Variants in TAFA2 observed in about 807,000 individuals in gnomAD.
The protein encoded by TAFA2 is chemokine-like protein TAFA-2.
Under a neutral mutation model 18.8 loss-of-function variants are expected in TAFA2, and 7 were observed. The observed-to-expected ratio is 0.37, with a 90% CI of 0.21 to 0.70. The LOEUF (loss-of-function observed/expected upper bound fraction) is 0.70. Ranked by LOEUF, TAFA2 falls within the 30% of genes least tolerant of loss-of-function variation. The pLI is 0.53. For missense variants in TAFA2, 122 were observed against 158.1 expected (o/e 0.77, Z 1.23); for synonymous variants, 60 against 54.2 (o/e 1.11, Z -0.47).
chr12:62,037,952 A>G (rs1253822138), intron 1 of TAFA2, among the ~76,000 whole-genome samples: 1 of 152,228 alleles, frequency 6.6e-6, no homozygotes, highest in Non-Finnish European at 1.5e-5. Context: ...AAGTAAAAAC[A>G]TCCATATCCA....
In TAFA2 at chr12:62,233,012, C is replaced by G. The variant is rs140924851; in HGVS notation, c.-130+25751G>C. Among the ~76,000 whole-genome samples, 40 of 151,416 alleles carry G rather than the reference C, an allele frequency of 2.6e-4. No homozygotes were observed. The East Asian group carries it at 6.6e-3, about 25-fold the overall frequency. On this transcript the variant is annotated intron_variant, in intron 1 of 5. Coordinates refer to the TAFA2 transcript ENST00000551619. ...ACTTTCAAGAAATGCCTTTCTAACCCCCTTACCCAATTGCAAGTCCTCACT... is the reference window on the plus strand; with the variant it reads ...ACTTTCAAGAAATGCCTTTCTAACCGCCTTACCCAATTGCAAGTCCTCACT...
At chr12:62,000,289 A>C (rs1450463432) in intron 1 of TAFA2, among the ~76,000 whole-genome samples, 1 of 129,800 alleles carries the variant, frequency 7.7e-6, no homozygotes, top group African/African-American at 2.6e-5. Context: ...TCAAAGAAAG[A>C]AACCACATCA....
At chr12:61,959,501 T>C (rs1033289440) in intron 1 of TAFA2, among the ~76,000 whole-genome samples, 1 of 152,096 alleles carries the variant, frequency 6.6e-6, no homozygotes, top group Non-Finnish European at 1.5e-5. Flanking sequence ...ATGTAGTCCA[T>C]ATCTGGCCAA....
chr12:61,999,942 T>C (rs1880325549), intron 1 of TAFA2, among the ~76,000 whole-genome samples: 2 of 152,126 alleles, frequency 1.3e-5, no homozygotes, highest in Non-Finnish European at 2.9e-5. Context: ...TCCCTACTTG[T>C]TGATATAGGA....
intron 2 of TAFA2, among the ~76,000 whole-genome samples, chr12:61,862,935 C>T (rs1416924308): frequency 1.3e-5 from 2 of 152,190 alleles, no homozygotes; most frequent in African/African-American, 4.8e-5. Flanking sequence ...TATTTTTCCA[C>T]TTCTAGAATA....
chr12:62,075,721 C>G (rs111662838), intron 1 of TAFA2, among the ~76,000 whole-genome samples: 201 of 152,212 alleles, frequency 1.3e-3, no homozygotes, highest in Non-Finnish European at 2.6e-3. Flanking sequence ...GTTTTATGGT[C>G]AATTACCAGT....
At chr12:62,142,535 A>G (rs1171162684) in intron 1 of TAFA2, among the ~76,000 whole-genome samples, 2 of 152,198 alleles carry the variant, frequency 1.3e-5, no homozygotes, top group South Asian at 2.1e-4. Flanking sequence ...GTGACAATTC[A>G]TAGTGTCTTC....
chr12:61,937,687 C>T (rs536889279), intron 1 of TAFA2, among the ~76,000 whole-genome samples: 182 of 152,080 alleles, frequency 1.2e-3, no homozygotes, highest in African/African-American at 4.1e-3. Flanking sequence ...ATCTCAGACC[C>T]GAAACCATAA....
intron 2 of TAFA2, among the ~76,000 whole-genome samples, chr12:61,812,169 A>G (rs1165237480): frequency 6.6e-6 from 1 of 151,388 alleles, no homozygotes; most frequent in African/African-American, 2.5e-5. Flanking sequence ...TGCAATTCCT[A>G]GAAACCTTAA....
chr12:62,135,674 G>T (rs993429314), intron 1 of TAFA2: 3 of 152,060 alleles, frequency 2.0e-5, no homozygotes, highest in African/African-American at 7.2e-5. Flanking sequence ...CAAACTCAGA[G>T]ACTGATTTAC....
chr12:62,101,281 A>G (rs976522767), intron 1 of TAFA2, among the ~76,000 whole-genome samples: 2 of 152,158 alleles, frequency 1.3e-5, no homozygotes, highest in African/African-American at 4.8e-5. Context: ...GATTTAACCA[A>G]TACAGTGCCA....
At chr12:61,937,424 C>T (rs12301535) in intron 1 of TAFA2, among the ~76,000 whole-genome samples, 10,799 of 152,108 alleles carry the variant, frequency 0.071, 1,243 homozygotes, top group African/African-American at 0.24. Context: ...GCTACAGTTA[C>T]CAAAACAGTA....
intron 1 of TAFA2, among the ~76,000 whole-genome samples, chr12:62,166,972 G>A (rs1014567131): frequency 3.3e-5 from 5 of 152,032 alleles, no homozygotes; most frequent in African/African-American, 1.2e-4. Context: ...AATAAACTAT[G>A]CTACATGCAC....
At chr12:61,888,243 G>T (rs1247577190) in intron 1 of TAFA2, among the ~76,000 whole-genome samples, 2 of 152,112 alleles carry the variant, frequency 1.3e-5, no homozygotes, top group Admixed American at 1.3e-4. Flanking sequence ...TATACCCAAA[G>T]GACTATAAAT....
At chr12:62,013,328 TAA>T (rs1293074417) in intron 1 of TAFA2, among the ~76,000 whole-genome samples, 1 of 152,180 alleles carries the variant, frequency 6.6e-6, no homozygotes, top group East Asian at 1.9e-4. Flanking sequence ...TCACAGCACA[TAA>T]CAGGTTTGAA....
chr12:62,159,145 G>A (rs533770948), intron 1 of TAFA2, among the ~76,000 whole-genome samples: 1 of 152,288 alleles, frequency 6.6e-6, no homozygotes, highest in East Asian at 1.9e-4. Context: ...TTCTGTAAAT[G>A]CGTTAGATGT....
intron 1 of TAFA2, among the ~76,000 whole-genome samples, chr12:62,032,732 C>T (rs563086972): frequency 6.6e-6 from 1 of 152,230 alleles, no homozygotes; most frequent in African/African-American, 2.4e-5. Context: ...CTGCTTGGAG[C>T]TACTCATATT....
At chr12:62,251,514 C>T (rs2062913559) in intron 1 of TAFA2, among the ~76,000 whole-genome samples, 1 of 152,156 alleles carries the variant, frequency 6.6e-6, no homozygotes, top group Non-Finnish European at 1.5e-5. Flanking sequence ...AAGACCAAAA[C>T]AAGGGTGTGG....
chr12:62,137,128 C>T (rs573539153), intron 1 of TAFA2, among the ~76,000 whole-genome samples: 7 of 152,216 alleles, frequency 4.6e-5, no homozygotes, highest in African/African-American at 1.7e-4. Context: ...CAGAAAAGCT[C>T]CTGTTTCTTA....
Sources: allele counts gnomAD v4.1 joint callset (sites outside exome capture counted in the v4.1 genomes callset), GRCh38; gene constraint gnomAD v4.1.1; transcripts MANE v1.5; gene names NCBI Gene and HGNC (gene_info 2026-07-23, HGNC 2026-07-21).